Variants in BCR observed in about 807,000 individuals in gnomAD.
BCR encodes BCR activator of RhoGEF and GTPase.
In BCR, 58 loss-of-function variants were observed where a neutral mutation model predicts 138.6. The observed-to-expected ratio is 0.42, with a 90% CI of 0.34 to 0.52. The LOEUF (loss-of-function observed/expected upper bound fraction) is 0.52. Ranked by LOEUF, BCR falls within the 20% of genes least tolerant of loss-of-function variation. The pLI is 0.06. For missense variants in BCR, 1,599 were observed against 1,727.2 expected, an observed-to-expected ratio of 0.93 and a Z score of 1.32; for synonymous variants, 786 against 730.1, an observed-to-expected ratio of 1.08 and a Z score of -1.23.
chr22:23,260,344 T>G (rs1436617267), intron 2 of BCR, among the ~76,000 whole-genome samples: 1 of 152,038 alleles, frequency 6.6e-6, no homozygotes, highest in Non-Finnish European at 1.5e-5. Flanking sequence ...AAAAGCAGGG[T>G]CAGGGGACAC....
intron 4 of BCR, chr22:23,264,062 C>CT: frequency 8.9e-7 from 1 of 1,124,592 alleles, no homozygotes; most frequent in Non-Finnish European, 1.4e-6. Context: ...GCTATGACAC[C>CT]TATGTTCGCT....
chr22:23,252,562 C>G (rs1168777891), intron 1 of BCR, among the ~76,000 whole-genome samples: 3 of 151,722 alleles, frequency 2.0e-5, no homozygotes, highest in South Asian at 2.1e-4. Context: ...TCCTGAGTAG[C>G]TGGGATTACA....
At chr22:23,213,874 G>A (rs2072717725) in intron 1 of BCR, among the ~76,000 whole-genome samples, 1 of 151,810 alleles carries the variant, frequency 6.6e-6, no homozygotes, top group South Asian at 2.1e-4. Context: ...GAGGAAGACA[G>A]TACTCCCAGT....
At chr22:23,272,889 G>C (rs1301843429) in intron 6 of BCR, among the ~76,000 whole-genome samples, 192 bp from the exon 7 acceptor site, 1 of 152,174 alleles carries the variant, frequency 6.6e-6, no homozygotes, top group East Asian at 1.9e-4. Flanking sequence ...GACTCTGCAT[G>C]CAGTGAATGT....
chr22:23,273,290 T>C (rs2073530926), intron 7 of BCR, among the ~76,000 whole-genome samples, 157 bp downstream of exon 7: 3 of 152,210 alleles, frequency 2.0e-5, no homozygotes, highest in South Asian at 4.1e-4. Context: ...TTGGACATTC[T>C]GTAGGGAAAG....
chr22:23,200,539 A>G (rs2146209047), intron 1 of BCR, among the ~76,000 whole-genome samples: 1 of 151,380 alleles, frequency 6.6e-6, no homozygotes, highest in South Asian at 2.1e-4. Flanking sequence ...CTACAAGAGG[A>G]CTTTAACTTT....
intron 14 of BCR, 136 bp from the exon 15 acceptor site, chr22:23,292,405 T>A: frequency 1.4e-6 from 1 of 693,670 alleles, no homozygotes; most frequent in Non-Finnish European, 2.4e-6. Flanking sequence ...AGGTGTTTAA[T>A]TTTTAAAAAG....
intron 16 of BCR, among the ~76,000 whole-genome samples, chr22:23,297,214 G>GTT (rs200181094): frequency 1.2e-5 from 1 of 85,560 alleles, no homozygotes; most frequent in African/African-American, 4.9e-5. Context: ...GTTGTTTTTT[G>GTT]TTTTTTGTTT....
intron 10 of BCR, among the ~76,000 whole-genome samples, chr22:23,286,570 A>G (rs1744684544): frequency 1.3e-5 from 2 of 151,914 alleles, no homozygotes; most frequent in African/African-American, 2.4e-5. Context: ...TGCATTCTCC[A>G]TGTTCAGCTC....
rs11383542 is a variant in BCR at position 23,208,416 on chromosome 22, G to GTT, written c.1279+26186_1279+26187dup. On this transcript the variant is annotated intron_variant, in intron 1 of 22. Coordinates refer to ENST00000305877, the MANE Select transcript of BCR (RefSeq NM_004327.4). Reference sequence around the variant, plus strand: ...ATTGGGATTTTTCATTTGATTTTATGTTTTTTTTTTAATCAAGGTAAAATA... The same window carrying GTT: ...ATTGGGATTTTTCATTTGATTTTATGTTTTTTTTTTTTAATCAAGGTAAAATA... 1.2e-3 allele frequency among the ~76,000 whole-genome samples: 182 copies of GTT among 150,224 alleles called. 4 individuals are homozygous for GTT. In the East Asian group the frequency reaches 0.029, roughly 24 times the overall value.
intron 1 of BCR, among the ~76,000 whole-genome samples, chr22:23,207,975 C>T (rs1218047725): frequency 6.6e-6 from 1 of 152,192 alleles, no homozygotes; most frequent in African/African-American, 2.4e-5. Context: ...CAGCAGACCC[C>T]GGCTGCCCTG....
At chr22:23,311,929 T>G in intron 19 of BCR, 93 bp downstream of exon 19, 1 of 1,527,964 alleles carries the variant, frequency 6.5e-7, no homozygotes, top group Non-Finnish European at 8.8e-7. Context: ...GCATGTCACA[T>G]CCTTCTCTGT....
At chr22:23,194,663 C>T (rs963067427) in intron 1 of BCR, among the ~76,000 whole-genome samples, 8 of 152,020 alleles carry the variant, frequency 5.3e-5, no homozygotes, top group African/African-American at 1.9e-4. Flanking sequence ...CCACCCACCT[C>T]GGCCTCCCAA....
intron 1 of BCR, among the ~76,000 whole-genome samples, chr22:23,208,230 C>T (rs181913496): frequency 2.0e-5 from 3 of 152,132 alleles, no homozygotes; most frequent in Non-Finnish European, 2.9e-5. Flanking sequence ...GGAACCCACC[C>T]GGCTGGCAGT....
At chr22:23,184,027 G>A (rs2072305983) in intron 1 of BCR, among the ~76,000 whole-genome samples, 1 of 152,158 alleles carries the variant, frequency 6.6e-6, no homozygotes, top group South Asian at 2.1e-4. Context: ...TTCTCCGAAT[G>A]TCCTCAAGGT....
At chr22:23,311,877 A>C in intron 19 of BCR, 41 bp downstream of exon 19, 1 of 1,606,360 alleles carries the variant, frequency 6.2e-7, no homozygotes, top group Non-Finnish European at 8.5e-7. Flanking sequence ...AGGTGTGGGC[A>C]ATGGTGTCCG....
intron 10 of BCR, among the ~76,000 whole-genome samples, chr22:23,286,157 C>A (rs562946913): frequency 6.6e-6 from 1 of 152,360 alleles, no homozygotes; most frequent in South Asian, 2.1e-4. Context: ...TACAAGCTAC[C>A]CTGATGGGGC....
intron 1 of BCR, among the ~76,000 whole-genome samples, chr22:23,240,582 C>G (rs1353482773): frequency 6.6e-6 from 1 of 151,232 alleles, no homozygotes; most frequent in East Asian, 1.9e-4. Flanking sequence ...ACCCAGGAGG[C>G]GGAGCTTGCA....
chr22:23,289,628 C>A lies in BCR; in HGVS notation c.2707+7C>A, dbSNP rs749712508. On this transcript the variant is annotated splice_region_variant and intron_variant, in intron 13 of 22. Transcript: ENST00000305877. Reference sequence around the variant, plus strand: ...CTGACCATCAATAAGGAAGGTGGGCCCCCCCGTTTCCGTGTACAGGGCACC... The same window carrying A: ...CTGACCATCAATAAGGAAGGTGGGCACCCCCGTTTCCGTGTACAGGGCACC... 14 of 1,610,744 alleles carry A rather than the reference C, an allele frequency of 8.7e-6. No individual in the cohort carries two copies. In the African/African-American group the frequency reaches 1.5e-4, roughly 17 times the overall value.
Sources: allele counts gnomAD v4.1 joint callset (sites outside exome capture counted in the v4.1 genomes callset), GRCh38; gene constraint gnomAD v4.1.1; transcripts MANE v1.5; gene names NCBI Gene and HGNC (gene_info 2026-07-23, HGNC 2026-07-21).